The following KATNAL1 variants were observed in gnomAD, a reference collection of about 807,000 sequenced individuals.
The protein encoded by KATNAL1 is katanin p60 ATPase-containing subunit A-like 1.
KATNAL1 carries 32 observed loss-of-function variants against 55.2 expected under a neutral mutation model. The ratio of observed to expected loss-of-function variants is 0.58; its 90% CI spans 0.44 to 0.78. The LOEUF (loss-of-function observed/expected upper bound fraction) is 0.78, where lower values mean the gene tolerates loss of function less well. Among genes scored for constraint, KATNAL1 ranks in the 30% least tolerant of loss-of-function variants. The pLI, the probability that KATNAL1 is intolerant of heterozygous loss-of-function variation, is 0.00. For synonymous variants in KATNAL1, 193 were observed against 193.6 expected (o/e 1.00, Z 0.02); for missense variants, 466 against 600.9 (o/e 0.78, Z 2.35).
intron 4 of KATNAL1, among the ~76,000 whole-genome samples, chr13:30,251,529 A>G (rs1033248027): frequency 2.0e-5 from 3 of 152,210 alleles, no homozygotes; most frequent in Admixed American, 6.5e-5. Flanking sequence ...GTAAGGACAC[A>G]TAAGAAGGTG....
chr13:30,277,388 T>C (rs1462416461), intron 3 of KATNAL1, among the ~76,000 whole-genome samples: 1 of 152,192 alleles, frequency 6.6e-6, no homozygotes, highest in Non-Finnish European at 1.5e-5. Flanking sequence ...AGAGGTTAAA[T>C]AGCTTGCTCA....
intron 9 of KATNAL1, among the ~76,000 whole-genome samples, chr13:30,222,498 G>C (rs1874979087): frequency 1.3e-5 from 2 of 152,136 alleles, no homozygotes; most frequent in Non-Finnish European, 2.9e-5. Context: ...ACTAATACAA[G>C]GTCTCGCAGG....
intron 3 of KATNAL1, among the ~76,000 whole-genome samples, chr13:30,258,882 T>C (rs1879003312): frequency 6.6e-6 from 1 of 152,218 alleles, no homozygotes; most frequent in African/African-American, 2.4e-5. Flanking sequence ...AATTTAATCA[T>C]TAAGGATAAC....
intron 1 of KATNAL1, among the ~76,000 whole-genome samples, chr13:30,285,086 T>A (rs1253598679): frequency 6.6e-6 from 1 of 152,236 alleles, no homozygotes; most frequent in East Asian, 1.9e-4. Flanking sequence ...TCTTATCTGT[T>A]CTTCAGGGAC....
At chr13:30,282,863 G>A (rs1404548200) in intron 2 of KATNAL1, among the ~76,000 whole-genome samples, 1 of 150,404 alleles carries the variant, frequency 6.6e-6, no homozygotes, top group Non-Finnish European at 1.5e-5. Context: ...GCTGAGGCAG[G>A]AGAATGGCGT....
Position 30,294,537 on chromosome 13 carries a change from T to G in KATNAL1, c.-14-10746A>C, listed in dbSNP as rs370383849. 8.5e-5 allele frequency among the ~76,000 whole-genome samples: 13 copies of G among 152,262 alleles called. No homozygotes were observed. The East Asian group carries it at 2.5e-3, about 29-fold the overall frequency. On this transcript the variant is annotated intron_variant, in intron 1 of 10. Transcript: ENST00000380615. ...GCAAGTAGAGACTGGTTTATGAGGT[T>G]TAAGGAAAGAAGCCTTTTCCATAAC...
intron 6 of KATNAL1, among the ~76,000 whole-genome samples, chr13:30,238,329 C>CT (rs1244896818): frequency 6.6e-6 from 1 of 152,160 alleles, no homozygotes; most frequent in African/African-American, 2.4e-5. Context: ...GATAAGGAAA[C>CT]TGAGTCATGG....
intron 3 of KATNAL1, among the ~76,000 whole-genome samples, chr13:30,270,447 CA>C (rs537225048): frequency 1.5e-3 from 231 of 152,242 alleles, no homozygotes; most frequent in South Asian, 9.3e-3. Context: ...GAGAACGGGC[CA>C]TGATGACAAT....
At chr13:30,267,442 C>A (rs1354341230) in intron 3 of KATNAL1, among the ~76,000 whole-genome samples, 1 of 152,176 alleles carries the variant, frequency 6.6e-6, no homozygotes, top group Non-Finnish European at 1.5e-5. Flanking sequence ...CCAGCATTCA[C>A]CAAGCCTATA....
intron 3 of KATNAL1, among the ~76,000 whole-genome samples, chr13:30,268,649 A>C (rs1217325025): frequency 1.3e-5 from 2 of 152,230 alleles, no homozygotes; most frequent in Non-Finnish European, 2.9e-5. Flanking sequence ...TTTTATACTA[A>C]AATATCATGT....
At chr13:30,303,310 G>A (rs1294944911) in intron 1 of KATNAL1, among the ~76,000 whole-genome samples, 1 of 152,092 alleles carries the variant, frequency 6.6e-6, no homozygotes, top group African/African-American at 2.4e-5. Flanking sequence ...AATTTATCTG[G>A]CAAATGCCCA....
chr13:30,298,148 T>A (rs1409643880), intron 1 of KATNAL1, among the ~76,000 whole-genome samples: 1 of 152,254 alleles, frequency 6.6e-6, no homozygotes. Context: ...CCAGAAAATT[T>A]GTGTGACTAG....
At chr13:30,269,802 C>A (rs1309084917) in intron 3 of KATNAL1, among the ~76,000 whole-genome samples, 11 of 147,056 alleles carry the variant, frequency 7.5e-5, no homozygotes, top group African/African-American at 2.7e-4. Flanking sequence ...GCCCGGCAGC[C>A]GCCCCATCTG....
At chr13:30,270,738 C>T (rs1422583465) in intron 3 of KATNAL1, among the ~76,000 whole-genome samples, 2 of 151,420 alleles carry the variant, frequency 1.3e-5, no homozygotes, top group African/African-American at 4.8e-5. Context: ...GTCATCACCA[C>T]TCCCTAATCT....
chr13:30,276,448 C>T (rs1880847239), intron 3 of KATNAL1, among the ~76,000 whole-genome samples: 1 of 151,110 alleles, frequency 6.6e-6, no homozygotes, highest in Admixed American at 6.6e-5. Context: ...GTGGCTAATG[C>T]CAATCACATC....
At chr13:30,223,216 G>A (rs1265332678) in intron 9 of KATNAL1, among the ~76,000 whole-genome samples, 6 of 150,562 alleles carry the variant, frequency 4.0e-5, no homozygotes, top group Non-Finnish European at 7.4e-5. Context: ...AAGGCGGGCG[G>A]ATCACAAGGT....
chr13:30,276,264 T>C (rs1441295565), intron 3 of KATNAL1, among the ~76,000 whole-genome samples: 1 of 152,190 alleles, frequency 6.6e-6, no homozygotes, highest in African/African-American at 2.4e-5. Flanking sequence ...TTAATTATGA[T>C]TAAACTCAGC....
intron 1 of KATNAL1, among the ~76,000 whole-genome samples, chr13:30,286,984 T>C (rs11839528): frequency 0.054 from 8,224 of 152,240 alleles, 231 homozygotes; most frequent in South Asian, 0.077. Context: ...ATTTCTCCCA[T>C]TTGGAACAGG....
At chr13:30,263,882 G>A (rs924028113) in intron 3 of KATNAL1, among the ~76,000 whole-genome samples, 1 of 148,926 alleles carries the variant, frequency 6.7e-6, no homozygotes, top group African/African-American at 2.5e-5. Context: ...CTACTTTAAA[G>A]TTCATATGGA....
Sources: allele counts gnomAD v4.1 joint callset (sites outside exome capture counted in the v4.1 genomes callset), GRCh38; gene constraint gnomAD v4.1.1; transcripts MANE v1.5; gene names NCBI Gene and HGNC (gene_info 2026-07-23, HGNC 2026-07-21).